SOX6: variants seen among roughly 807,000 people sequenced by gnomAD.
The protein encoded by SOX6 is transcription factor SOX-6.
In SOX6, 11 loss-of-function variants were observed where a neutral mutation model predicts 97.8. The observed-to-expected ratio is 0.11, with a 90% CI of 0.07 to 0.19. SOX6 has a LOEUF of 0.19. Ranked by LOEUF, SOX6 falls within the 10% of genes least tolerant of loss-of-function variation. SOX6 has a pLI of 1.00. For synonymous variants in SOX6, 360 were observed against 371.4 expected, an observed-to-expected ratio of 0.97 and a Z score of 0.35; for missense variants, 810 against 1,039.5, an observed-to-expected ratio of 0.78 and a Z score of 3.04.
At chr11:16,242,650 A>C (rs912394123) in intron 3 of SOX6, among the ~76,000 whole-genome samples, 4 of 151,752 alleles carry the variant, frequency 2.6e-5, no homozygotes, top group Non-Finnish European at 4.4e-5. Context: ...AAAAACAAAA[A>C]AAAAACCTTT....
chr11:16,500,948 G>C (rs534488862), intron 4 of SOX6, among the ~76,000 whole-genome samples: 121 of 152,070 alleles, frequency 8.0e-4, no homozygotes, highest in African/African-American at 2.7e-3. Context: ...TCACAGAATT[G>C]GAAAAAACTA....
intron 3 of SOX6, among the ~76,000 whole-genome samples, chr11:16,251,088 T>C (rs1853495466): frequency 6.6e-6 from 1 of 152,138 alleles, no homozygotes; most frequent in Admixed American, 6.5e-5. Flanking sequence ...TAGAAAATAT[T>C]TCAAACTGAG....
chr11:15,983,960 T>C (rs1407839425), intron 15 of SOX6, among the ~76,000 whole-genome samples: 3 of 152,142 alleles, frequency 2.0e-5, no homozygotes, highest in African/African-American at 7.2e-5. Context: ...ACTGCCAGCA[T>C]AGGGCTATGA....
chr11:16,112,704 T>C (rs1849259879), intron 6 of SOX6, among the ~76,000 whole-genome samples: 1 of 152,216 alleles, frequency 6.6e-6, no homozygotes, highest in African/African-American at 2.4e-5. Context: ...TATCAGTATT[T>C]GTATTCCATA....
intron 4 of SOX6, among the ~76,000 whole-genome samples, chr11:16,521,230 C>G (rs961037361): frequency 6.6e-6 from 1 of 152,164 alleles, no homozygotes; most frequent in African/African-American, 2.4e-5. Flanking sequence ...GGAGGCACCC[C>G]CAGTAGGGGC....
intron 4 of SOX6, among the ~76,000 whole-genome samples, chr11:16,531,369 C>T (rs1248529578): frequency 6.6e-6 from 1 of 151,462 alleles, no homozygotes; most frequent in Admixed American, 6.6e-5. Flanking sequence ...CAGCACTGGA[C>T]CCATATATAC....
intron 3 of SOX6, among the ~76,000 whole-genome samples, chr11:16,250,411 A>T (rs1482964813): frequency 6.6e-6 from 1 of 152,200 alleles, no homozygotes; most frequent in Non-Finnish European, 1.5e-5. Flanking sequence ...TGGACTAAGC[A>T]TGACATATTA....
intron 3 of SOX6, among the ~76,000 whole-genome samples, chr11:16,680,558 C>T (rs898253108): frequency 1.9e-4 from 29 of 152,046 alleles, no homozygotes; most frequent in African/African-American, 6.8e-4. Context: ...AATTAATGGC[C>T]AAAATAACCA....
At chr11:16,054,793 A>T (rs1360325072) in intron 10 of SOX6, among the ~76,000 whole-genome samples, 1 of 152,182 alleles carries the variant, frequency 6.6e-6, no homozygotes, top group East Asian at 1.9e-4. Context: ...TAAGTCAATT[A>T]TACAAAACAA....
intron 3 of SOX6, among the ~76,000 whole-genome samples, chr11:16,702,009 A>G (rs1454687102): frequency 6.6e-6 from 1 of 152,246 alleles, no homozygotes; most frequent in African/African-American, 2.4e-5. Flanking sequence ...CCTGTTCTTT[A>G]TGATTGAGAT....
At chr11:16,146,793 C>A (rs1162937549) in intron 6 of SOX6, among the ~76,000 whole-genome samples, 1 of 152,128 alleles carries the variant, frequency 6.6e-6, no homozygotes, top group African/African-American at 2.4e-5. Flanking sequence ...CAAATCAAAG[C>A]CACAGTGAGA....
intron 4 of SOX6, among the ~76,000 whole-genome samples, chr11:16,587,056 C>T (rs1286093516): frequency 1.3e-5 from 2 of 152,220 alleles, no homozygotes; most frequent in Non-Finnish European, 2.9e-5. Flanking sequence ...TTAATAAACA[C>T]ACCTGCTGAA....
intron 4 of SOX6, among the ~76,000 whole-genome samples, chr11:16,195,206 A>G (rs1284748798): frequency 6.6e-6 from 1 of 152,220 alleles, no homozygotes; most frequent in Non-Finnish European, 1.5e-5. Context: ...CCAAAAAGTT[A>G]CATTGTTATT....
intron 1 of SOX6, among the ~76,000 whole-genome samples, chr11:16,385,730 T>C (rs1206990113): frequency 6.6e-6 from 1 of 152,160 alleles, no homozygotes; most frequent in African/African-American, 2.4e-5. Context: ...AATAAATATG[T>C]TTTTGGTTCT....
chr11:15,985,252 G>C (rs530947751), intron 15 of SOX6, among the ~76,000 whole-genome samples: 1 of 152,222 alleles, frequency 6.6e-6, no homozygotes, highest in African/African-American at 2.4e-5. Context: ...CTCCTTTAAG[G>C]TACCTCTTTT....
intron 4 of SOX6, among the ~76,000 whole-genome samples, chr11:16,554,273 A>C (rs141689679): frequency 6.6e-6 from 1 of 152,212 alleles, no homozygotes; most frequent in East Asian, 1.9e-4. Flanking sequence ...CTCAGTAGAA[A>C]ATCATATTTC....
At chr11:16,381,867 T>C (rs1468779129) in intron 1 of SOX6, among the ~76,000 whole-genome samples, 2 of 151,762 alleles carry the variant, frequency 1.3e-5, no homozygotes, top group Non-Finnish European at 2.9e-5. Flanking sequence ...AAATAAATGT[T>C]TAGACATAAA....
chr11:16,557,116 T>C (rs1339042075), intron 4 of SOX6, among the ~76,000 whole-genome samples: 1 of 151,750 alleles, frequency 6.6e-6, no homozygotes, highest in African/African-American at 2.4e-5. Flanking sequence ...TAGTTTCTCA[T>C]AAAATTTCAT....
intron 4 of SOX6, among the ~76,000 whole-genome samples, chr11:16,487,468 A>G (rs1860455745): frequency 6.6e-6 from 1 of 152,204 alleles, no homozygotes; most frequent in African/African-American, 2.4e-5. Context: ...AGAGTCTTGC[A>G]TTTGCAGTGC....
Sources: allele counts gnomAD v4.1 joint callset (sites outside exome capture counted in the v4.1 genomes callset), GRCh38; gene constraint gnomAD v4.1.1; transcripts MANE v1.5; gene names NCBI Gene and HGNC (gene_info 2026-07-23, HGNC 2026-07-21).